Variants in RSRC1 observed in about 807,000 individuals in gnomAD.
The protein encoded by RSRC1 is arginine and serine rich coiled-coil 1, also known as serine/Arginine-related protein 53.
Under a neutral mutation model 49.1 loss-of-function variants are expected in RSRC1, and 39 were observed. The observed-to-expected ratio is 0.79, with a 90% CI of 0.61 to 1.04. The LOEUF is 1.04. Ranked by LOEUF, RSRC1 falls within the 50% of genes least tolerant of loss-of-function variation. The pLI is 0.00. For missense variants in RSRC1, 388 were observed against 402.4 expected (o/e 0.96, Z 0.31); for synonymous variants, 143 against 130.8 (o/e 1.09, Z -0.63).
At chr3:158,542,304 G>A (rs1486443123) in intron 8 of RSRC1, among the ~76,000 whole-genome samples, 1 of 152,226 alleles carries the variant, frequency 6.6e-6, no homozygotes, top group Non-Finnish European at 1.5e-5. Context: ...GCCAAGGCGG[G>A]CTGATCACTT....
chr3:158,202,309 C>A (rs551199648), intron 3 of RSRC1, among the ~76,000 whole-genome samples: 2 of 152,014 alleles, frequency 1.3e-5, no homozygotes, highest in African/African-American at 4.8e-5. Flanking sequence ...GCTGCTGCAC[C>A]CAGCATGAAT....
intron 4 of RSRC1, among the ~76,000 whole-genome samples, chr3:158,222,454 G>T (rs1722275191): frequency 6.6e-6 from 1 of 151,416 alleles, no homozygotes; most frequent in South Asian, 2.1e-4. Flanking sequence ...TATTAGCCCA[G>T]TTTAGTCATT....
chr3:158,376,914 A>T (rs1732408599), intron 6 of RSRC1, among the ~76,000 whole-genome samples: 1 of 152,134 alleles, frequency 6.6e-6, no homozygotes, highest in South Asian at 2.1e-4. Context: ...AAATGTACCA[A>T]GTGCATTTGA....
At chr3:158,220,655 C>CCTTT (rs978010161) in intron 4 of RSRC1, among the ~76,000 whole-genome samples, 8 of 151,420 alleles carry the variant, frequency 5.3e-5, no homozygotes, top group African/African-American at 1.7e-4. Flanking sequence ...TTTCTTCCTT[C>CCTTT]CTTTCTTTCT....
At chr3:158,216,824 A>G (rs771557363) in intron 4 of RSRC1, among the ~76,000 whole-genome samples, 7 of 151,498 alleles carry the variant, frequency 4.6e-5, no homozygotes, top group Non-Finnish European at 7.4e-5. Flanking sequence ...TCTGCTCTTT[A>G]TTTTGAACTA....
chr3:158,242,701 G>A (rs552780144), intron 4 of RSRC1, among the ~76,000 whole-genome samples: 2 of 150,882 alleles, frequency 1.3e-5, no homozygotes, highest in African/African-American at 4.8e-5. Context: ...ACACAACCTC[G>A]CCAGCTTCTG....
At chr3:158,464,569 G>C (rs1402438708) in intron 7 of RSRC1, among the ~76,000 whole-genome samples, 1 of 149,930 alleles carries the variant, frequency 6.7e-6, no homozygotes, top group Non-Finnish European at 1.5e-5. Context: ...CAGTCCTCAA[G>C]TCTCATTTGT....
In RSRC1 at chr3:158,179,942, A is replaced by G. The variant is rs548367445; in HGVS notation, c.321-23130A>G. On this transcript the variant is annotated intron_variant, in intron 3 of 9. Coordinates refer to ENST00000611884, the MANE Select transcript of RSRC1 (RefSeq NM_001271838.2). Reference sequence around the variant, plus strand: ...TCTGATCTGATAGTTGAATAATGATATCTCATTGTAATTTTAATTTGCATT... The same window carrying G: ...TCTGATCTGATAGTTGAATAATGATGTCTCATTGTAATTTTAATTTGCATT... Among the ~76,000 whole-genome samples the G allele has an allele frequency of 1.0e-3, 157 of 152,306 alleles. No individual in the cohort carries two copies. In the South Asian group the frequency reaches 0.012, roughly 11 times the overall value.
chr3:158,277,222 T>G (rs1174968502), intron 4 of RSRC1, among the ~76,000 whole-genome samples: 1 of 152,192 alleles, frequency 6.6e-6, no homozygotes, highest in Admixed American at 6.5e-5. Context: ...CTTTACTTGA[T>G]TAGGGTTCTA....
rs898919356 is a variant in RSRC1, at chr3:158,382,831, T to C, written c.583+27923T>C. On this transcript the variant is annotated intron_variant, in intron 6 of 9. Transcript: ENST00000611884. ...GTCATTGTTTTTATATTTTTATGAG[T>C]ATTGTATCTTTAACTCTTGAATTTT... 2.0e-5 allele frequency among the ~76,000 whole-genome samples: 3 copies of C among 152,204 alleles called. No individual in the cohort carries two copies. In the South Asian group the frequency reaches 6.2e-4, roughly 31 times the overall value.
At chr3:158,383,124 A>T (rs1732789773) in intron 6 of RSRC1, among the ~76,000 whole-genome samples, 1 of 152,182 alleles carries the variant, frequency 6.6e-6, no homozygotes, top group Non-Finnish European at 1.5e-5. Flanking sequence ...AGCTAAAAAA[A>T]CTGCAGGAGT....
intron 7 of RSRC1, among the ~76,000 whole-genome samples, chr3:158,520,728 C>T (rs1711609705): frequency 6.6e-6 from 1 of 152,058 alleles, no homozygotes; most frequent in South Asian, 2.1e-4. Context: ...GCAGTGGTTT[C>T]ATTTTCAAAG....
chr3:158,420,879 A>G (rs1480724488), intron 6 of RSRC1, among the ~76,000 whole-genome samples: 3 of 151,930 alleles, frequency 2.0e-5, no homozygotes, highest in Admixed American at 2.0e-4. Context: ...GCCTGCCCTC[A>G]TGGAATGTAC....
At chr3:158,110,663 G>A (rs936087676) in intron 1 of RSRC1, 2 of 152,462 alleles carry the variant, frequency 1.3e-5, no homozygotes, top group Non-Finnish European at 2.9e-5. Context: ...CCACTCCACT[G>A]TCCCTGCCTT....
At chr3:158,355,742 T>G (rs1731120189) in intron 6 of RSRC1, among the ~76,000 whole-genome samples, 1 of 152,164 alleles carries the variant, frequency 6.6e-6, no homozygotes, top group South Asian at 2.1e-4. Flanking sequence ...TGTATATAAC[T>G]TATTCAAACA....
At chr3:158,502,968 G>T (rs960669302) in intron 7 of RSRC1, among the ~76,000 whole-genome samples, 2 of 152,046 alleles carry the variant, frequency 1.3e-5, no homozygotes, top group Non-Finnish European at 2.9e-5. Context: ...ACCTGAGTTG[G>T]TTTTCTGGTT....
intron 6 of RSRC1, among the ~76,000 whole-genome samples, chr3:158,394,426 C>G (rs1733494667): frequency 6.6e-6 from 1 of 152,024 alleles, no homozygotes; most frequent in Non-Finnish European, 1.5e-5. Flanking sequence ...TCCAAAACTC[C>G]TATATTTTGT....
At chr3:158,418,332 T>C (rs1305715517) in intron 6 of RSRC1, among the ~76,000 whole-genome samples, 2 of 152,006 alleles carry the variant, frequency 1.3e-5, no homozygotes, top group African/African-American at 4.8e-5. Context: ...ATGGGTCTGC[T>C]TGAATCTAGT....
intron 4 of RSRC1, among the ~76,000 whole-genome samples, chr3:158,246,867 C>T (rs1337098671): frequency 6.6e-6 from 1 of 152,010 alleles, no homozygotes; most frequent in Non-Finnish European, 1.5e-5. Flanking sequence ...TGGGGATGAT[C>T]TTCTCATGGA....
Sources: gnomAD v4.1 joint callset for allele counts (sites outside exome capture counted in the v4.1 genomes callset) on GRCh38, gnomAD v4.1.1 for gene constraint, MANE v1.5 for transcripts, NCBI Gene and HGNC (gene_info 2026-07-23, HGNC 2026-07-21) for gene names.